Variants in KDM4B observed in about 807,000 individuals in gnomAD.
KDM4B encodes the protein lysine-specific demethylase 4B.
Under a neutral mutation model 125.2 loss-of-function variants are expected in KDM4B, and 32 were observed. That is an observed-to-expected ratio of 0.26 (90% CI 0.19 to 0.34). The LOEUF (loss-of-function observed/expected upper bound fraction) is 0.34. Ranked by LOEUF, KDM4B falls within the 10% of genes least tolerant of loss-of-function variation. The pLI is 1.00. For synonymous variants in KDM4B, 721 were observed against 677.9 expected (o/e 1.06, Z -0.99); for missense variants, 1,190 against 1,577.7 (o/e 0.75, Z 4.16).
intron 10 of KDM4B, among the ~76,000 whole-genome samples, chr19:5,117,397 G>T (rs1385087164): frequency 6.6e-6 from 1 of 152,080 alleles, no homozygotes; most frequent in African/African-American, 2.4e-5. Flanking sequence ...CAGGTGAGCG[G>T]CATGGGAGGG....
chr19:5,119,235 G>A (rs751388780), intron 10 of KDM4B: 53 of 1,483,618 alleles, frequency 3.6e-5, no homozygotes, highest in Admixed American at 2.6e-4. Flanking sequence ...TGTCTTTTTC[G>A]TTCCGTTTGT....
At chr19:5,047,347 C>T (rs903269819) in intron 5 of KDM4B, 129 bp from the exon 6 acceptor site, 19 of 799,264 alleles carry the variant, frequency 2.4e-5, no homozygotes, top group South Asian at 3.5e-5. Context: ...CTGGGGGGGC[C>T]GCAGATACTG....
At chr19:5,049,936 GTGTC>G (rs931249688) in intron 6 of KDM4B, among the ~76,000 whole-genome samples, 5 of 152,092 alleles carry the variant, frequency 3.3e-5, no homozygotes, top group African/African-American at 1.2e-4. Flanking sequence ...ACTGGAAAGA[GTGTC>G]TGGCCTCTGG....
chr19:5,125,799 C>T (rs1007703600), intron 11 of KDM4B, among the ~76,000 whole-genome samples: 16 of 137,932 alleles, frequency 1.2e-4, no homozygotes, highest in Non-Finnish European at 2.1e-4. Flanking sequence ...CCCTGGACAC[C>T]CTTATCTCTG....
At chr19:5,100,263 T>C (rs1388734110) in intron 9 of KDM4B, among the ~76,000 whole-genome samples, 1 of 152,270 alleles carries the variant, frequency 6.6e-6, no homozygotes, top group Non-Finnish European at 1.5e-5. Context: ...TCTGGTAAAC[T>C]TTCTTGAATG....
chr19:5,138,858 C>G lies in KDM4B; in HGVS notation c.2550+788C>G, dbSNP rs2039694306. On this transcript the variant is annotated intron_variant, in intron 18 of 22. Transcript: ENST00000159111. Reference sequence around the variant, plus strand: ...CACCCCAGCACCCAGCACTCTGCTTCTGTGTGTTTGCCTGTGTTATAGACC... The same window carrying G: ...CACCCCAGCACCCAGCACTCTGCTTGTGTGTGTTTGCCTGTGTTATAGACC... Among the ~76,000 whole-genome samples, 4 of 152,202 alleles carry G rather than the reference C, an allele frequency of 2.6e-5. No homozygotes were observed. The South Asian group carries it at 8.3e-4, about 32-fold the overall frequency.
chr19:5,018,885 G>A (rs538744071), intron 2 of KDM4B, among the ~76,000 whole-genome samples: 12 of 152,350 alleles, frequency 7.9e-5, no homozygotes, highest in African/African-American at 1.4e-4. Flanking sequence ...CGTGGCCTGC[G>A]TCAGAGCCTT....
At chr19:5,091,349 G>C (rs2145917088) in intron 9 of KDM4B, among the ~76,000 whole-genome samples, 1 of 152,358 alleles carries the variant, frequency 6.6e-6, no homozygotes, top group African/African-American at 2.4e-5. Flanking sequence ...TTCCCTGCCA[G>C]CTGTCTGTGG....
chr19:5,089,804 AC>A (rs1021589604), intron 9 of KDM4B, among the ~76,000 whole-genome samples: 26 of 151,182 alleles, frequency 1.7e-4, no homozygotes, highest in Non-Finnish European at 3.7e-4. Context: ...TTGAGCAAGC[AC>A]CCCACAGTTC....
intron 2 of KDM4B, among the ~76,000 whole-genome samples, chr19:5,025,049 G>T (rs1476463749): frequency 1.3e-5 from 2 of 152,246 alleles, no homozygotes. Flanking sequence ...TTACTCAGAA[G>T]GCTGCTCTTG....
intron 5 of KDM4B, among the ~76,000 whole-genome samples, chr19:5,044,494 G>A (rs763887719): frequency 2.0e-5 from 3 of 152,176 alleles, no homozygotes; most frequent in Admixed American, 6.5e-5. Flanking sequence ...GGACATTTGG[G>A]CTGTGTTCTC....
chr19:5,087,051 C>G (rs916484929), intron 9 of KDM4B, among the ~76,000 whole-genome samples: 2 of 152,268 alleles, frequency 1.3e-5, no homozygotes, highest in African/African-American at 4.8e-5. Flanking sequence ...GGGCTCTCCC[C>G]TCCCGTCTTC....
chr19:5,150,614 C>A (rs112695064), intron 22 of KDM4B, among the ~76,000 whole-genome samples, 164 bp downstream of exon 22: 10,595 of 152,224 alleles, frequency 0.07, 438 homozygotes, highest in Non-Finnish European at 0.094. Flanking sequence ...TCCATGGGCT[C>A]CTGGCAGGAG....
chr19:5,119,929 T>C (rs2039330067), intron 11 of KDM4B, 77 bp downstream of exon 11: 2 of 1,470,768 alleles, frequency 1.4e-6, no homozygotes, highest in African/African-American at 1.4e-5. Context: ...AACCAGTGCC[T>C]GCTACAGCCA....
At chr19:5,033,087 C>T (rs1208888203) in intron 3 of KDM4B, 56 bp downstream of exon 3, 29 of 1,586,280 alleles carry the variant, frequency 1.8e-5, no homozygotes, top group African/African-American at 4.0e-5. Context: ...CGCGGGCCTG[C>T]GGACATCCTG....
chr19:5,073,789 G>A (rs1484779585), intron 7 of KDM4B, among the ~76,000 whole-genome samples: 1 of 152,234 alleles, frequency 6.6e-6, no homozygotes, highest in African/African-American at 2.4e-5. Context: ...GGAAGAATTA[G>A]TTCTTGGTGG....
intron 3 of KDM4B, among the ~76,000 whole-genome samples, chr19:5,039,444 C>A (rs1037016221): frequency 6.6e-6 from 1 of 152,026 alleles, no homozygotes; most frequent in African/African-American, 2.4e-5. Flanking sequence ...GACAGCAAGA[C>A]CCTGTCTCAA....
At chr19:5,105,177 A>G (rs741699) in intron 9 of KDM4B, among the ~76,000 whole-genome samples, 59,052 of 152,080 alleles carry the variant, frequency 0.39, 11,689 homozygotes, top group East Asian at 0.69. Flanking sequence ...GGGGCAGAGC[A>G]GGAGGCCAGG....
At chr19:5,127,506 G>A (rs951505879) in intron 11 of KDM4B, among the ~76,000 whole-genome samples, 1 of 152,216 alleles carries the variant, frequency 6.6e-6, no homozygotes, top group Non-Finnish European at 1.5e-5. Context: ...AGCAGGTGCG[G>A]GCTATGCGTG....
Sources: allele counts gnomAD v4.1 joint callset (sites outside exome capture counted in the v4.1 genomes callset), GRCh38; gene constraint gnomAD v4.1.1; transcripts MANE v1.5; gene names NCBI Gene and HGNC (gene_info 2026-07-23, HGNC 2026-07-21).